Variants in RXRA observed in about 807,000 individuals in gnomAD.
The protein encoded by RXRA is retinoic acid receptor RXR-alpha.
RXRA carries 5 observed loss-of-function variants against 44.5 expected under a neutral mutation model. That is an observed-to-expected ratio of 0.11 (90% confidence interval 0.06 to 0.24). The LOEUF (loss-of-function observed/expected upper bound fraction) is 0.24. RXRA is among the 10% of genes least tolerant of loss of function. The pLI, the probability that RXRA is intolerant of heterozygous loss-of-function variation, is 1.00. For synonymous variants in RXRA, 291 were observed against 271.4 expected, an observed-to-expected ratio of 1.07 and a Z score of -0.71; for missense variants, 412 against 646.5, an observed-to-expected ratio of 0.64 and a Z score of 3.93.
At chr9:134,375,598 G>A (rs557664902) in intron 1 of RXRA, among the ~76,000 whole-genome samples, 9 of 152,270 alleles carry the variant, frequency 5.9e-5, no homozygotes, top group East Asian at 1.9e-4. Flanking sequence ...TGGGTTGGCC[G>A]TCTAGTTTTA....
intron 1 of RXRA, among the ~76,000 whole-genome samples, chr9:134,389,229 GGA>G (rs1830765307): frequency 6.6e-6 from 1 of 152,264 alleles, no homozygotes; most frequent in African/African-American, 2.4e-5. Flanking sequence ...TGTCAGGAGG[GGA>G]GAGAATGGTG....
At chr9:134,335,527 G>C (rs993315836) in intron 1 of RXRA, among the ~76,000 whole-genome samples, 2 of 152,206 alleles carry the variant, frequency 1.3e-5, no homozygotes, top group East Asian at 1.9e-4. Flanking sequence ...GGGTCTGACT[G>C]TGTGACCAGG....
chr9:134,364,895 C>T (rs374501098), intron 1 of RXRA, among the ~76,000 whole-genome samples: 2 of 152,166 alleles, frequency 1.3e-5, no homozygotes, highest in Non-Finnish European at 2.9e-5. Context: ...GCTGGCCTCT[C>T]GGCCCCTAGC....
chr9:134,423,160 G>A (rs957494943), intron 6 of RXRA: 2 of 985,450 alleles, frequency 2.0e-6, no homozygotes, highest in South Asian at 4.7e-5. Flanking sequence ...GCTGGTTCTT[G>A]CCGAGTCAGC....
rs1347896815 is a variant in RXRA, at chr9:134,436,697, C to G, written c.*83C>G. On this transcript the variant is annotated 3_prime_UTR_variant, in exon 10 of 10. Coordinates refer to ENST00000481739, the MANE Select transcript of RXRA (RefSeq NM_002957.6). ...TGTTCTTCTCAGCCTGAGCCCTGTC[C>G]CTGCCCTTCTCTGCCTGGCCTGTTT... 1 of 1,536,738 alleles carries G rather than the reference C, an allele frequency of 6.5e-7. No individual in the cohort carries two copies. Among genetic ancestry groups the G allele is most frequent in the East Asian group, 2.3e-5 (1 of 44,268 alleles).
intron 1 of RXRA, among the ~76,000 whole-genome samples, chr9:134,335,380 G>T (rs1353736280): frequency 6.6e-6 from 1 of 152,232 alleles, no homozygotes; most frequent in Non-Finnish European, 1.5e-5. Context: ...GTAGGAGTTT[G>T]TTGGGTGGGA....
chr9:134,360,224 C>T (rs541039041), intron 1 of RXRA, among the ~76,000 whole-genome samples: 139 of 152,318 alleles, frequency 9.1e-4, no homozygotes, highest in Admixed American at 2.7e-3. Context: ...CGGTGGGGGG[C>T]ACTGGGCTGG....
chr9:134,367,029 TG>T (rs1830422612), intron 1 of RXRA, among the ~76,000 whole-genome samples: 1 of 152,120 alleles, frequency 6.6e-6, no homozygotes. Context: ...ATTGGTTAAT[TG>T]GTTGAGATAC....
intron 1 of RXRA, among the ~76,000 whole-genome samples, chr9:134,329,905 C>T (rs1834976744): frequency 6.6e-6 from 1 of 152,186 alleles, no homozygotes; most frequent in South Asian, 2.1e-4. Flanking sequence ...AGGGGTGTGC[C>T]CCTCTGCCCC....
intron 9 of RXRA, among the ~76,000 whole-genome samples, chr9:134,436,012 TTC>T (rs1831613875): frequency 6.6e-6 from 1 of 152,142 alleles, no homozygotes; most frequent in South Asian, 2.1e-4. Flanking sequence ...GCTACTGTTT[TTC>T]TCTTTTTCTT....
chr9:134,425,565 AG>A, intron 6 of RXRA: 12 of 77,160 alleles, frequency 1.6e-4, no homozygotes, highest in Non-Finnish European at 1.8e-4. Flanking sequence ...GGGGGGGGTG[AG>A]GGGGGTGGGG....
intron 1 of RXRA, among the ~76,000 whole-genome samples, chr9:134,327,870 C>A (rs542897371): frequency 2.0e-5 from 3 of 152,274 alleles, no homozygotes; most frequent in African/African-American, 7.2e-5. Context: ...TCAGACCTAA[C>A]GCTTACTCCC....
At chr9:134,361,569 A>G (rs909345179) in intron 1 of RXRA, among the ~76,000 whole-genome samples, 7 of 152,244 alleles carry the variant, frequency 4.6e-5, no homozygotes, top group Non-Finnish European at 8.8e-5. Flanking sequence ...AAATGCCTCC[A>G]ACGTGCGTGA....
chr9:134,428,959 C>A (rs1379456020), intron 6 of RXRA, 149 bp from the exon 7 acceptor site: 1 of 933,436 alleles, frequency 1.1e-6, no homozygotes. Context: ...AACCTCTTTT[C>A]TGTGGAACAC....
Position 134,345,404 on chromosome 9 carries a change from C to T in RXRA, c.28+18745C>T, listed in dbSNP as rs141192273. 4.6e-3 allele frequency among the ~76,000 whole-genome samples: 707 copies of T among 152,300 alleles called. 3 individuals are homozygous for T. The highest frequency in any genetic ancestry group is 7.2e-3 in the Non-Finnish European group (487 of 68,030). ...GTGGGGGTACCTGGTTGGTTCATTGCACTTCAGGCCCTACCCTGGCACTGG... is the reference window on the plus strand; with the variant it reads ...GTGGGGGTACCTGGTTGGTTCATTGTACTTCAGGCCCTACCCTGGCACTGG... On this transcript the variant is annotated intron_variant, in intron 1 of 9. Coordinates refer to ENST00000481739, the MANE Select transcript of RXRA (RefSeq NM_002957.6).
chr9:134,392,458 C>G (rs961679533), intron 1 of RXRA, among the ~76,000 whole-genome samples: 1 of 152,236 alleles, frequency 6.6e-6, no homozygotes, highest in African/African-American at 2.4e-5. Flanking sequence ...CACCTCCTCC[C>G]TGTACCCCCA....
chr9:134,418,165 C>T (rs1382224489), intron 5 of RXRA, among the ~76,000 whole-genome samples: 2 of 152,304 alleles, frequency 1.3e-5, no homozygotes, highest in East Asian at 3.9e-4. Context: ...CCATTGCTCC[C>T]TGGTGAGCTT....
rs1831678066 is a variant in RXRA at position 134,438,882 on chromosome 9, C to T, written c.*2268C>T. 1 of 152,246 alleles carries T rather than the reference C, an allele frequency of 6.6e-6. No individual in the cohort carries two copies. The highest frequency in any genetic ancestry group is 2.4e-5 in the African/African-American group (1 of 41,438). 9.4% of individuals were successfully genotyped at this position (152,246 alleles called of 1,614,324 possible). ...TGGCTGGCTGTAAAGCACTGAAGCC[C>T]CCCGGCCGCCAACCCCTGAAAGCAG... is the stretch of plus-strand genomic sequence containing the variant. On this transcript the variant is annotated 3_prime_UTR_variant, in exon 10 of 10. Coordinates refer to ENST00000481739, the MANE Select transcript of RXRA (RefSeq NM_002957.6).
chr9:134,339,502 AGT>A (rs1177325114), intron 1 of RXRA, among the ~76,000 whole-genome samples: 3 of 123,752 alleles, frequency 2.4e-5, no homozygotes, highest in Non-Finnish European at 3.4e-5. Flanking sequence ...CCCTTGTGTG[AGT>A]GTGTGTGAGT....
Sources: gnomAD v4.1 joint callset for allele counts (sites outside exome capture counted in the v4.1 genomes callset) on GRCh38, gnomAD v4.1.1 for gene constraint, MANE v1.5 for transcripts, NCBI Gene and HGNC (gene_info 2026-07-23, HGNC 2026-07-21) for gene names.